Variants in LAMA1 observed in about 807,000 individuals in gnomAD.
LAMA1 encodes the protein laminin subunit alpha-1.
LAMA1 carries 219 observed loss-of-function variants against 348.7 expected under a neutral mutation model. That is an observed-to-expected ratio of 0.63 (90% CI 0.56 to 0.70). The LOEUF (loss-of-function observed/expected upper bound fraction) is 0.70. Among genes scored for constraint, LAMA1 ranks in the 30% least tolerant of loss-of-function variants. The probability of loss-of-function intolerance (pLI) is 0.00; values close to 1 mark genes in which losing one functional copy is unlikely to be tolerated. For synonymous variants in LAMA1, 1,487 were observed against 1,491.0 expected, an observed-to-expected ratio of 1.00 and a Z score of 0.06; for missense variants, 3,744 against 3,888.0, an observed-to-expected ratio of 0.96 and a Z score of 0.99.
intron 1 of LAMA1, among the ~76,000 whole-genome samples, chr18:7,108,470 C>T (rs138242733): frequency 1.3e-5 from 2 of 151,372 alleles, no homozygotes; most frequent in African/African-American, 2.4e-5. Context: ...AGACCAGCCC[C>T]GCCAACATGG....
chr18:7,089,066 T>C (rs557924729), intron 1 of LAMA1, among the ~76,000 whole-genome samples: 1 of 151,836 alleles, frequency 6.6e-6, no homozygotes, highest in South Asian at 2.1e-4. Context: ...AAGGGATTAA[T>C]TGGGACCATA....
chr18:7,110,207 C>T lies in LAMA1; in HGVS notation c.61+7453G>A, dbSNP rs543389691. Among the ~76,000 whole-genome samples, 180 of 147,022 alleles carry T rather than the reference C, an allele frequency of 1.2e-3. 4 individuals carry two copies. The South Asian group carries it at 0.037, about 30-fold the overall frequency. ...CCACCCGCTGCCAAAAAAAAAAAAG[C>T]GGCTAGTTACACTATAGCAGCTGGT... On this transcript the variant is annotated intron_variant, in intron 1 of 62. Transcript: ENST00000389658.
Position 6,955,463 on chromosome 18 carries a change from T to A in LAMA1, c.8097A>T (p.Glu2699Asp). The A allele has an allele frequency of 6.2e-7, 1 of 1,613,334 alleles. No individual in the cohort carries two copies. The highest frequency in any genetic ancestry group is 1.3e-5 in the African/African-American group (1 of 75,010). Reference sequence around the variant, plus strand: ...CCAGAGCTGCATCCACCACACACTGTTCCTGTAAGAGACACACAGGGACAC... The same window carrying A: ...CCAGAGCTGCATCCACCACACACTGATCCTGTAAGAGACACACAGGGACAC... ...KLLPEPRAFP[E>D]QCVVDAALEY... The change falls in exon 57 of 63, where the codon GAA becomes GAT. Residue 2699 changes from glutamate (E) to aspartate (D), a missense_variant and splice_region_variant. By Grantham distance (45) the Glu-to-Asp change is conservative (BLOSUM62 2). This residue lies in a region of LAMA1 where 1,983 missense variants were observed against 1,934.3 expected (regional missense o/e 1.03). Coordinates refer to ENST00000389658, the MANE Select transcript of LAMA1 (RefSeq NM_005559.4).
chr18:6,997,695 C>T (rs1482744809), intron 33 of LAMA1, 47 bp downstream of exon 33: 1 of 1,587,658 alleles, frequency 6.3e-7, no homozygotes, highest in Middle Eastern at 1.7e-4. Context: ...TGACTATATC[C>T]CTTAATGATA....
At chr18:7,005,763 T>A (rs1238906907) in intron 29 of LAMA1, among the ~76,000 whole-genome samples, 2 of 151,716 alleles carry the variant, frequency 1.3e-5, no homozygotes, top group African/African-American at 2.4e-5. Context: ...ATAATAATAA[T>A]AAAAAAATGT....
At chr18:7,105,603 C>T (rs2058309064) in intron 1 of LAMA1, among the ~76,000 whole-genome samples, 1 of 151,894 alleles carries the variant, frequency 6.6e-6, no homozygotes, top group Admixed American at 6.6e-5. Flanking sequence ...AGGGGGTGGC[C>T]CAGATAATCC....
At chr18:6,993,322 C>G (rs755316834) in intron 35 of LAMA1, among the ~76,000 whole-genome samples, 1 of 152,048 alleles carries the variant, frequency 6.6e-6, no homozygotes, top group Non-Finnish European at 1.5e-5. Flanking sequence ...AACTGAAGTC[C>G]CAAATCCTGT....
At position 7,049,070 on chromosome 18, in the gene LAMA1, A is replaced by T. The variant is rs2144198779; in HGVS notation, c.768+8T>A. The T allele has an allele frequency of 1.2e-6, 2 of 1,612,812 alleles. No individual in the cohort carries two copies. The highest frequency in any genetic ancestry group is 1.7e-6 in the Non-Finnish European group (2 of 1,178,798). On this transcript the variant is annotated splice_region_variant and intron_variant, in intron 5 of 62. Transcript: ENST00000389658. Reference sequence around the variant, plus strand: ...TTTTATTTGGCAGGACTGCCGTCCCATACTCACGCGTCTGGTAACAATAGG... The same window carrying T: ...TTTTATTTGGCAGGACTGCCGTCCCTTACTCACGCGTCTGGTAACAATAGG...
rs2058058249 is a variant in LAMA1 at position 7,050,554 on chromosome 18, T to C, written c.588+140A>G. On this transcript the variant is annotated intron_variant, in intron 4 of 62. Transcript: ENST00000389658. The stretch of plus-strand genomic sequence containing the variant: ...ATATTGTTTGTGAAATTACTTATAA[T>C]AGACATGACTCAAGGCCACTTTAAA... 2.3e-5 allele frequency: 26 copies of C among 1,132,828 alleles called. No homozygotes were observed. The South Asian group carries it at 3.6e-4, about 16-fold the overall frequency. The allele number at this position is 1,132,828 out of a possible 1,614,324, so 70.2% of individuals were successfully genotyped here.
intron 13 of LAMA1, among the ~76,000 whole-genome samples, chr18:7,034,999 TTAAC>T (rs2057987976): frequency 1.3e-5 from 2 of 152,330 alleles, no homozygotes; most frequent in Middle Eastern, 3.4e-3. Context: ...CCTCTAATCT[TTAAC>T]TAAAGTACAG....
At position 6,978,230 on chromosome 18, in the gene LAMA1, C is replaced by T. The variant is rs764106660; in HGVS notation, c.6156G>A (p.Glu2052=). 1 of 1,614,226 alleles carries T rather than the reference C, an allele frequency of 6.2e-7. No homozygotes were observed. Among genetic ancestry groups the T allele is most frequent in the African/African-American group, 1.3e-5 (1 of 75,060 alleles). The change falls in exon 43 of 63, where the codon GAG becomes GAA. Residue 2052 remains glutamate, a synonymous_variant. Coordinates refer to ENST00000389658, the MANE Select transcript of LAMA1 (RefSeq NM_005559.4). ...TGGAGTCCTGCAGAAGCTGGTGTGT[C>T]TCTCGTAATGTGGTGTTGACCCTGG... ...SLSRVNTTLR[E]THQLLQDSTM...
intron 1 of LAMA1, among the ~76,000 whole-genome samples, chr18:7,085,973 G>T (rs760390493): frequency 9.9e-5 from 15 of 152,210 alleles, no homozygotes; most frequent in Non-Finnish European, 2.1e-4. Flanking sequence ...AGGTTAATAA[G>T]ATTAAGGTAT....
chr18:7,054,085 T>C (rs535175997), intron 3 of LAMA1, among the ~76,000 whole-genome samples: 172 of 152,270 alleles, frequency 1.1e-3, no homozygotes, highest in Non-Finnish European at 1.7e-3. Flanking sequence ...AATCTTTTTT[T>C]TACATTGATT....
intron 18 of LAMA1, 118 bp downstream of exon 18, chr18:7,024,262 T>G: frequency 5.5e-6 from 4 of 722,380 alleles, no homozygotes; most frequent in Non-Finnish European, 9.5e-6. Context: ...AATGATTCTA[T>G]GAAATAACAA....
At chr18:7,004,237 G>C (rs1600386790) in intron 29 of LAMA1, among the ~76,000 whole-genome samples, 4 of 152,304 alleles carry the variant, frequency 2.6e-5, no homozygotes, top group Admixed American at 6.5e-5. Context: ...ATGTAAAAAG[G>C]TTCAGTCGTA....
chr18:7,049,401 G>A, intron 4 of LAMA1, 144 bp from the exon 5 acceptor site: 1 of 706,390 alleles, frequency 1.4e-6, no homozygotes, highest in Non-Finnish European at 2.5e-6. Context: ...CCAGGTTCAA[G>A]CAATTCTCCT....
intron 3 of LAMA1, among the ~76,000 whole-genome samples, chr18:7,057,478 T>C (rs896980090): frequency 6.7e-5 from 8 of 119,404 alleles, no homozygotes; most frequent in Admixed American, 1.5e-4. Flanking sequence ...TTTCTTTTTT[T>C]TTTTTTTTTT....
In LAMA1 at chr18:6,941,837, A is replaced by G. The variant is rs185502679; in HGVS notation, c.*242T>C. The G allele has an allele frequency of 1.8e-4, 92 of 515,772 alleles. No homozygotes were observed. The East Asian group carries it at 3.2e-3, about 18-fold the overall frequency. The allele number at this position is 515,772 out of a possible 1,614,324, so 31.9% of individuals were successfully genotyped here. A position where few individuals can be genotyped will look rare whatever the true frequency, so the allele number is the denominator to read the frequency against. On this transcript the variant is annotated 3_prime_UTR_variant, in exon 63 of 63. Transcript: ENST00000389658. ...GTAATCAACAGAACATTCAATGTGT[A>G]TAAAGATTTTTTTAAAAATACGTTT...
chr18:7,046,314 G>A lies in LAMA1; in HGVS notation c.822C>T (p.Gly274=), dbSNP rs1378002208. Residue 274 remains glycine, a synonymous_variant, in exon 6 of 63, where the codon GGC becomes GGT. Coordinates refer to ENST00000389658, the MANE Select transcript of LAMA1 (RefSeq NM_005559.4). The part of the protein sequence containing the change: ...ISVGGMCICY[G]HASSCPWDET... ...CATCCCATGGGCAGCTACTAGCATG[G>A]CCATAGCAGATACACATGCCTCCAA... The A allele has an allele frequency of 2.5e-6, 4 of 1,611,970 alleles. No individual in the cohort carries two copies. In the East Asian group the frequency reaches 8.9e-5, roughly 36 times the overall value.
Sources: gnomAD v4.1 joint callset for allele counts (sites outside exome capture counted in the v4.1 genomes callset) on GRCh38, gnomAD v4.1.1 for gene constraint, gnomAD v4.1.1 regional missense constraint, MANE v1.5 for transcripts, NCBI Gene and HGNC (gene_info 2026-07-23, HGNC 2026-07-21) for gene names.